The following MYOM1 variants were observed in gnomAD, a reference collection of about 807,000 sequenced individuals.
MYOM1 encodes myomesin 1, also known as myomesin-1.
A neutral mutation model predicts 205.3 loss-of-function variants in MYOM1; 164 were observed. The observed-to-expected ratio is 0.80, with a 90% CI of 0.70 to 0.91. The LOEUF (loss-of-function observed/expected upper bound fraction) is 0.91, where lower values mean the gene tolerates loss of function less well. Ranked by LOEUF, MYOM1 falls within the 40% of genes least tolerant of loss-of-function variation. The pLI, the probability that MYOM1 is intolerant of heterozygous loss-of-function variation, is 0.00. For synonymous variants in MYOM1, 772 were observed against 789.4 expected (o/e 0.98, Z 0.37); for missense variants, 2,011 against 2,127.3 (o/e 0.95, Z 1.08).
chr18:3,090,348 T>C lies in MYOM1; in HGVS notation c.4009+310A>G, dbSNP rs529649856. On this transcript the variant is annotated intron_variant, in intron 27 of 37. Coordinates refer to ENST00000356443, the MANE Select transcript of MYOM1 (RefSeq NM_003803.4). ...GATTCTCATGCCTCAGCCTCCCAAG[T>C]AGCTGGGACTACAGGTGCACACCAC... is the stretch of plus-strand genomic sequence containing the variant. Among the ~76,000 whole-genome samples the C allele has an allele frequency of 9.9e-5, 15 of 151,746 alleles. No individual in the cohort carries two copies. The East Asian group carries it at 2.9e-3, about 29-fold the overall frequency.
intron 5 of MYOM1, among the ~76,000 whole-genome samples, chr18:3,178,741 C>A (rs1367815497): frequency 6.6e-6 from 1 of 152,224 alleles, no homozygotes; most frequent in Non-Finnish European, 1.5e-5. Context: ...ATGAATCGTT[C>A]CTGCCTCTCT....
chr18:3,235,508 C>T, the MYOM1 span, among the ~76,000 whole-genome samples: 3 of 152,204 alleles, frequency 2.0e-5, no homozygotes, highest in Non-Finnish European at 4.4e-5. Flanking sequence ...TCACTGAGGA[C>T]ACAGTCCCTG....
chr18:3,132,152 T>A (rs1445468595), intron 16 of MYOM1, among the ~76,000 whole-genome samples: 3 of 146,170 alleles, frequency 2.1e-5, no homozygotes, highest in African/African-American at 7.5e-5. Flanking sequence ...TACTCTAAAA[T>A]ATATATATAT....
At chr18:3,175,981 C>T (rs2080633448) in intron 6 of MYOM1, 61 bp downstream of exon 6, 1 of 1,012,620 alleles carries the variant, frequency 9.9e-7, no homozygotes, top group East Asian at 2.4e-5. Flanking sequence ...CTGTTAACTG[C>T]AGGGGTGAGA....
chr18:3,172,757 C>G (rs931789917), intron 8 of MYOM1, among the ~76,000 whole-genome samples: 4 of 152,168 alleles, frequency 2.6e-5, no homozygotes, highest in Non-Finnish European at 5.9e-5. Flanking sequence ...GTGATCCACC[C>G]ACCTCCGCCT....
In MYOM1 at chr18:3,152,561, G is replaced by C. The variant is rs2080236800; in HGVS notation, c.1644-668C>G. Among the ~76,000 whole-genome samples, 1 of 152,174 alleles carries C rather than the reference G, an allele frequency of 6.6e-6. No homozygotes were observed. The highest frequency in any genetic ancestry group is 6.5e-5 in the Admixed American group (1 of 15,278). ...GTGCTTTTACAGCAGTTGGTACCTG[G>C]GGATGGAGTGGGTCATTCCCAGCAG... On this transcript the variant is annotated intron_variant, in intron 11 of 37. Coordinates refer to ENST00000356443, the MANE Select transcript of MYOM1 (RefSeq NM_003803.4). The surrounding 1 kb of genome is among the most constrained non-coding windows in gnomAD (Gnocchi z 4.3).
At chr18:3,096,279 C>A (rs982900790) in intron 25 of MYOM1, among the ~76,000 whole-genome samples, 1 of 152,174 alleles carries the variant, frequency 6.6e-6, no homozygotes, top group Non-Finnish European at 1.5e-5. Context: ...CCTCTAAAAT[C>A]AAATCGCCAC....
In MYOM1 at chr18:3,215,126, T is replaced by G; in HGVS notation, c.98A>C (p.Lys33Thr). The change falls in exon 2 of 38, where the codon AAG (lysine) becomes ACG (threonine). Residue 33 changes from lysine (K) to threonine (T), a missense_variant. Coordinates refer to ENST00000356443, the MANE Select transcript of MYOM1 (RefSeq NM_003803.4). The stretch of plus-strand genomic sequence containing the variant: ...CTGGGTGTAGACGGCGGAGCGTTTC[T>G]TCTCCCGCTGGTAGTGACTCACGGT... ...RSTVSHYQRE[K>T]KRSAVYTQGS... The G allele has an allele frequency of 6.2e-7, 1 of 1,613,874 alleles. No individual in the cohort carries two copies. The highest frequency in any genetic ancestry group is 8.5e-7 in the Non-Finnish European group (1 of 1,179,850).
rs751092675 is a variant in MYOM1 at position 3,142,029 on chromosome 18, A to G, written c.1935T>C (p.Ser645=). ...CATAGCTCCGGGTGGCCTCAGTGAC[A>G]GAGAGGTCTGTCGGGGGGCCAGGCA... is the stretch of plus-strand genomic sequence containing the variant. ...GIVPGPPTDL[S]VTEATRSYVV... The change falls in exon 14 of 38, where the codon TCT becomes TCC. Residue 645 remains serine, a synonymous_variant. Coordinates refer to ENST00000356443, the MANE Select transcript of MYOM1 (RefSeq NM_003803.4). 12 of 1,613,898 alleles carry G rather than the reference A, an allele frequency of 7.4e-6. No individual in the cohort carries two copies. The South Asian group carries it at 8.8e-5, about 12-fold the overall frequency.
At chr18:3,161,113 C>T (rs540096348) in intron 10 of MYOM1, among the ~76,000 whole-genome samples, 245 of 152,322 alleles carry the variant, frequency 1.6e-3, no homozygotes, top group African/African-American at 5.5e-3. Flanking sequence ...GCTAAATGAA[C>T]GCACTTGCTA....
the MYOM1 span, among the ~76,000 whole-genome samples, chr18:3,236,844 C>T: frequency 1.3e-5 from 2 of 152,148 alleles, no homozygotes; most frequent in African/African-American, 4.8e-5. Flanking sequence ...GAATCCTAGG[C>T]TACTCCATGT....
rs961031057 is a variant in MYOM1 at position 3,195,074 on chromosome 18, C to G, written c.291-1116G>C. 3.3e-4 allele frequency among the ~76,000 whole-genome samples: 50 copies of G among 152,272 alleles called. 1 individual carries two copies. Among genetic ancestry groups the G allele is most frequent in the African/African-American group, 1.2e-3 (49 of 41,558 alleles). ...TGACCATTTCCTAATCTTGGAAAAT[C>G]ATTTGAAAAAGCAAAAGGGATTACC... On this transcript the variant is annotated intron_variant, in intron 2 of 37. Transcript: ENST00000356443.
At chr18:3,120,123 C>G in intron 19 of MYOM1, 128 bp from the exon 20 acceptor site, 1 of 1,272,714 alleles carries the variant, frequency 7.9e-7, no homozygotes. Flanking sequence ...ATGAGTCACA[C>G]CCCTTTTGTA....
At chr18:3,075,321 A>G in intron 36 of MYOM1, 133 bp downstream of exon 36, 1 of 791,742 alleles carries the variant, frequency 1.3e-6, no homozygotes, top group East Asian at 2.5e-5. Flanking sequence ...AAACATATGT[A>G]GAACACCTAA....
chr18:3,243,774 G>C, the MYOM1 span, among the ~76,000 whole-genome samples: 29 of 152,182 alleles, frequency 1.9e-4, no homozygotes, highest in Admixed American at 1.9e-3. Context: ...CCCAATCAAT[G>C]AAACGGAGGT....
chr18:3,100,872 T>A (rs1464369919), intron 23 of MYOM1, among the ~76,000 whole-genome samples: 1 of 152,200 alleles, frequency 6.6e-6, no homozygotes, highest in Non-Finnish European at 1.5e-5. Flanking sequence ...TGTATTCTCC[T>A]CACTGTGTAA....
chr18:3,238,781 GT>G, the MYOM1 span, among the ~76,000 whole-genome samples: 2 of 152,140 alleles, frequency 1.3e-5, no homozygotes, highest in South Asian at 4.1e-4. Context: ...GGGAGAATCA[GT>G]TTCCTAGCCT....
chr18:3,196,697 T>C (rs1016501455), intron 2 of MYOM1, among the ~76,000 whole-genome samples: 5 of 152,180 alleles, frequency 3.3e-5, no homozygotes, highest in African/African-American at 1.2e-4. Context: ...TGTTAATATG[T>C]CTACAGTTAA....
At position 3,089,438 on chromosome 18, in the gene MYOM1, TAATC is replaced by T. The variant is rs1042148081; in HGVS notation, c.4069+95_4069+98del. The T allele has an allele frequency of 2.5e-5, 22 of 885,212 alleles. 1 individual carries two copies. Among genetic ancestry groups the T allele is most frequent in the Middle Eastern group, 6.7e-4 (2 of 2,970 alleles). 54.8% of individuals were successfully genotyped at this position (885,212 alleles called of 1,614,324 possible). A position where few individuals can be genotyped will look rare whatever the true frequency, so the allele number is the denominator to read the frequency against. ...TTTAATTTACTAGGCATTATTAACA[TAATC>T]AATAATATTCATTTTAATTTGTTAT... On this transcript the variant is annotated intron_variant, in intron 28 of 37. Coordinates refer to ENST00000356443, the MANE Select transcript of MYOM1 (RefSeq NM_003803.4).
Sources: allele counts gnomAD v4.1 joint callset (sites outside exome capture counted in the v4.1 genomes callset), GRCh38; gene constraint gnomAD v4.1.1; non-coding constraint Gnocchi (gnomAD v3.1); transcripts MANE v1.5; gene names NCBI Gene and HGNC (gene_info 2026-07-23, HGNC 2026-07-21).